The following TNR variants were observed in gnomAD, a reference collection of about 807,000 sequenced individuals.
TNR encodes tenascin R.
TNR carries 45 observed loss-of-function variants against 150.4 expected under a neutral mutation model. The observed-to-expected ratio is 0.30, with a 90% CI of 0.24 to 0.38. The LOEUF (loss-of-function observed/expected upper bound fraction) is 0.38, where lower values mean the gene tolerates loss of function less well. Among genes scored for constraint, TNR ranks in the 10% least tolerant of loss-of-function variants. The pLI is 1.00. For missense variants in TNR, 1,544 were observed against 1,759.1 expected, an observed-to-expected ratio of 0.88 and a Z score of 2.19; for synonymous variants, 687 against 678.4, an observed-to-expected ratio of 1.01 and a Z score of -0.20.
intron 1 of TNR, among the ~76,000 whole-genome samples, chr1:175,546,655 C>T (rs1660700622): frequency 6.6e-6 from 1 of 152,228 alleles, no homozygotes; most frequent in Non-Finnish European, 1.5e-5. Flanking sequence ...AGTGGCCTTT[C>T]ATCACTATCG....
chr1:175,419,155 T>C (rs1024401244), intron 2 of TNR, among the ~76,000 whole-genome samples: 2 of 152,198 alleles, frequency 1.3e-5, no homozygotes, highest in Non-Finnish European at 1.5e-5. Flanking sequence ...ACAAAATGCA[T>C]TTTGCTCTCC....
rs952390332 is a variant in TNR at position 175,592,698 on chromosome 1, T to C, written c.-164-64329A>G. ...TCAAGTGAGTTACAGAGGAGGCAACTGAAGTTCACTGAGGTTAAGTGACTC... is the reference window on the plus strand; with the variant it reads ...TCAAGTGAGTTACAGAGGAGGCAACCGAAGTTCACTGAGGTTAAGTGACTC... On this transcript the variant is annotated intron_variant, in intron 1 of 22. Coordinates refer to ENST00000367674, the MANE Select transcript of TNR (RefSeq NM_003285.3). 9.2e-5 allele frequency among the ~76,000 whole-genome samples: 14 copies of C among 152,368 alleles called. No homozygotes were observed. The East Asian group carries it at 2.7e-3, about 29-fold the overall frequency.
At chr1:175,695,238 A>C (rs74993378) in intron 1 of TNR, among the ~76,000 whole-genome samples, 5,612 of 152,282 alleles carry the variant, frequency 0.037, 163 homozygotes, top group South Asian at 0.13. Flanking sequence ...AGGACTCTCA[A>C]GGGGCCCAGT....
intron 9 of TNR, among the ~76,000 whole-genome samples, chr1:175,375,132 T>C (rs948012377): frequency 1.6e-4 from 24 of 151,918 alleles, no homozygotes; most frequent in African/African-American, 5.6e-4. Context: ...CTTCTCTCTC[T>C]CTTTCCCTCC....
At chr1:175,415,182 A>T (rs1654383949) in intron 2 of TNR, among the ~76,000 whole-genome samples, 1 of 149,360 alleles carries the variant, frequency 6.7e-6, no homozygotes, top group Non-Finnish European at 1.5e-5. Context: ...GTTTAAAAAT[A>T]GTTTCCTCCC....
At position 175,339,382 on chromosome 1, in the gene TNR, T is replaced by G. The variant is rs539402660; in HGVS notation, c.3383-1703A>C. Among the ~76,000 whole-genome samples the G allele has an allele frequency of 2.1e-4, 32 of 152,310 alleles. No individual in the cohort carries two copies. In the South Asian group the frequency reaches 6.6e-3, roughly 32 times the overall value. ...AATATCCATACCCTCTCAAACTGAT[T>G]TCCTTAATAGCTGCAGAAAAGCTAA... On this transcript the variant is annotated intron_variant, in intron 18 of 22. Coordinates refer to ENST00000367674, the MANE Select transcript of TNR (RefSeq NM_003285.3).
intron 2 of TNR, among the ~76,000 whole-genome samples, chr1:175,489,173 A>G (rs922112175): frequency 1.1e-4 from 17 of 152,154 alleles, no homozygotes; most frequent in African/African-American, 4.1e-4. Flanking sequence ...CAAAAACTTA[A>G]CAGTCCAAGA....
chr1:175,334,478 T>C (rs1650123958), intron 20 of TNR, among the ~76,000 whole-genome samples: 1 of 152,222 alleles, frequency 6.6e-6, no homozygotes. Context: ...CTCAGGGTCA[T>C]GTGGCCAGAG....
intron 1 of TNR, among the ~76,000 whole-genome samples, chr1:175,590,329 G>T (rs1025860826): frequency 6.6e-6 from 1 of 152,022 alleles, no homozygotes; most frequent in Admixed American, 6.6e-5. Flanking sequence ...ATTTATCATA[G>T]ATTTTTGTAT....
At chr1:175,344,778 A>G (rs1474743013) in intron 18 of TNR, among the ~76,000 whole-genome samples, 1 of 152,246 alleles carries the variant, frequency 6.6e-6, no homozygotes, top group African/African-American at 2.4e-5. Flanking sequence ...CAAGAATTTA[A>G]AGAATAAAAA....
chr1:175,452,551 C>T (rs917309899), intron 2 of TNR, among the ~76,000 whole-genome samples: 1 of 152,176 alleles, frequency 6.6e-6, no homozygotes, highest in Non-Finnish European at 1.5e-5. Flanking sequence ...CCTCCCAGGC[C>T]ATGCTTTGGG....
At chr1:175,340,317 G>T (rs896016716) in intron 18 of TNR, among the ~76,000 whole-genome samples, 1 of 152,090 alleles carries the variant, frequency 6.6e-6, no homozygotes, top group Non-Finnish European at 1.5e-5. Flanking sequence ...AGGCCATTTG[G>T]TTGTTTATAG....
At chr1:175,674,795 G>C (rs512371) in intron 1 of TNR, among the ~76,000 whole-genome samples, 51,003 of 151,992 alleles carry the variant, frequency 0.34, 8,629 homozygotes, top group Middle Eastern at 0.43. Context: ...CCTTGACAGA[G>C]AGGAGAGGAC....
intron 1 of TNR, among the ~76,000 whole-genome samples, chr1:175,557,404 A>C (rs538177480): frequency 6.6e-6 from 1 of 152,202 alleles, no homozygotes; most frequent in Non-Finnish European, 1.5e-5. Flanking sequence ...CAATATGGCT[A>C]TTCAGTTTCA....
At chr1:175,325,536 A>G (rs1338462608) in intron 21 of TNR, among the ~76,000 whole-genome samples, 1 of 152,240 alleles carries the variant, frequency 6.6e-6, no homozygotes, top group Non-Finnish European at 1.5e-5. Flanking sequence ...TCAAAGGATT[A>G]TCAGTCATTC....
At chr1:175,687,917 C>A (rs1666251116) in intron 1 of TNR, among the ~76,000 whole-genome samples, 1 of 152,034 alleles carries the variant, frequency 6.6e-6, no homozygotes, top group African/African-American at 2.4e-5. Context: ...CGTGAATACA[C>A]CAGCCATCTC....
Position 175,315,555 on chromosome 1 carries a change from G to T in TNR, c.*7802C>A, listed in dbSNP as rs1169174433. The stretch of plus-strand genomic sequence containing the variant: ...ATTTTTACCTGAAAAGGCTGTTAAA[G>T]GTTAAAATGACAAACTCAAATTCAA... On this transcript the variant is annotated 3_prime_UTR_variant, in exon 23 of 23. Coordinates refer to ENST00000367674, the MANE Select transcript of TNR (RefSeq NM_003285.3). 1.3e-5 allele frequency: 2 copies of T among 152,038 alleles called. No individual in the cohort carries two copies. Among genetic ancestry groups the T allele is most frequent in the Non-Finnish European group, 2.9e-5 (2 of 68,016 alleles). The allele number at this position is 152,038 out of a possible 1,614,324, so 9.4% of individuals were successfully genotyped here. A position where few individuals can be genotyped will look rare whatever the true frequency, so the allele number is the denominator to read the frequency against.
Position 175,321,259 on chromosome 1 carries a change from C to T in TNR, c.*2098G>A, listed in dbSNP as rs1449921386. 6.6e-6 allele frequency: 1 copy of T among 152,196 alleles called. No individual in the cohort carries two copies. The highest frequency in any genetic ancestry group is 2.4e-5 in the African/African-American group (1 of 41,434). The allele number at this position is 152,196 out of a possible 1,614,324, so 9.4% of individuals were successfully genotyped here. A position where few individuals can be genotyped will look rare whatever the true frequency, so the allele number is the denominator to read the frequency against. On this transcript the variant is annotated 3_prime_UTR_variant, in exon 23 of 23. Coordinates refer to ENST00000367674, the MANE Select transcript of TNR (RefSeq NM_003285.3). The stretch of plus-strand genomic sequence containing the variant: ...TTCAGGGTTATGCCTGTCACATCCA[C>T]ACTGCCGCAGTGAACAAAGCCTAGA...
chr1:175,370,263 C>A lies in TNR; in HGVS notation c.1964-2966G>T, dbSNP rs1035637088. ...TTATATGAGTCAAAGTGTTTAAAGT[C>A]CAGTGCCTGGATCTTAGCGGTAGTA... On this transcript the variant is annotated intron_variant, in intron 9 of 22. Transcript: ENST00000367674. Among the ~76,000 whole-genome samples the A allele has an allele frequency of 8.0e-5, 12 of 149,850 alleles. No homozygotes were observed. The South Asian group carries it at 2.3e-3, about 29-fold the overall frequency.
Sources: gnomAD v4.1 joint callset for allele counts (sites outside exome capture counted in the v4.1 genomes callset) on GRCh38, gnomAD v4.1.1 for gene constraint, MANE v1.5 for transcripts, NCBI Gene and HGNC (gene_info 2026-07-23, HGNC 2026-07-21) for gene names.